Variants in PLEKHM2 observed in about 807,000 individuals in gnomAD.
PLEKHM2 encodes the protein pleckstrin homology and RUN domain containing M2.
Under a neutral mutation model 116.3 loss-of-function variants are expected in PLEKHM2, and 77 were observed. The observed-to-expected ratio is 0.66, with a 90% CI of 0.55 to 0.80. The LOEUF (loss-of-function observed/expected upper bound fraction) is 0.80, where lower values mean the gene tolerates loss of function less well. PLEKHM2 is among the 30% of genes least tolerant of loss of function. The probability of loss-of-function intolerance (pLI) is 0.00; values close to 1 mark genes in which losing one functional copy is unlikely to be tolerated. For missense variants in PLEKHM2, 1,183 were observed against 1,354.9 expected, an observed-to-expected ratio of 0.87 and a Z score of 1.99; for synonymous variants, 562 against 571.0, an observed-to-expected ratio of 0.98 and a Z score of 0.22.
chr1:15,727,029 G>GA lies in PLEKHM2; in HGVS notation c.961dup (p.Ile321AsnfsTer11). The GA allele has an allele frequency of 6.8e-7, 1 of 1,476,608 alleles. No homozygotes were observed. The highest frequency in any genetic ancestry group is 9.0e-7 in the Non-Finnish European group (1 of 1,113,402). 91.5% of individuals were successfully genotyped at this position (1,476,608 alleles called of 1,614,324 possible). On this transcript the variant is annotated frameshift_variant, in exon 9 of 20. Coordinates refer to ENST00000375799, the MANE Select transcript of PLEKHM2 (RefSeq NM_015164.4). LOFTEE classifies it high-confidence loss of function. This position sits in a 1 kb window ranked among gnomAD's most constrained non-coding sequence, Gnocchi z 7.5. ...ACTGTCCCAGGGTCACCAAGAAGAA[G>GA]AAAATTGGCAAGAAGAAAAAGAGCA... is the stretch of plus-strand genomic sequence containing the variant.
chr1:15,705,618 A>G (rs1004895452), intron 1 of PLEKHM2, among the ~76,000 whole-genome samples: 1 of 152,006 alleles, frequency 6.6e-6, no homozygotes, highest in Non-Finnish European at 1.5e-5. Context: ...CATGCCCCAC[A>G]TTTAATCCAT....
chr1:15,682,562 T>C (rs180770452), upstream of PLEKHM2, among the ~76,000 whole-genome samples: 781 of 149,550 alleles, frequency 5.2e-3, 15 homozygotes, highest in African/African-American at 0.019. Flanking sequence ...GAAGTTGCAG[T>C]GAGCAGAGAT....
At chr1:15,732,070 C>T (rs752775875) in intron 17 of PLEKHM2, 22 bp downstream of exon 17, 13 of 1,602,486 alleles carry the variant, frequency 8.1e-6, no homozygotes, top group Middle Eastern at 1.7e-4. Flanking sequence ...CTGCCCCTAC[C>T]GCTCACCTGG....
At chr1:15,709,224 A>T (rs1641280938) in intron 1 of PLEKHM2, among the ~76,000 whole-genome samples, 1 of 152,186 alleles carries the variant, frequency 6.6e-6, no homozygotes, top group African/African-American at 2.4e-5. Flanking sequence ...GCAACCAAAG[A>T]GTAATTTGGC....
At chr1:15,731,532 G>T (rs1210198576) in intron 16 of PLEKHM2, among the ~76,000 whole-genome samples, 1 of 152,152 alleles carries the variant, frequency 6.6e-6, no homozygotes, top group Non-Finnish European at 1.5e-5. Context: ...ATGGGAGATG[G>T]ACGTTCGGGT....
chr1:15,721,056 C>T lies in PLEKHM2; in HGVS notation c.653-273C>T. On this transcript the variant is annotated intron_variant, in intron 6 of 19. Coordinates refer to ENST00000375799, the MANE Select transcript of PLEKHM2 (RefSeq NM_015164.4). This position sits in a 1 kb window ranked among gnomAD's most constrained non-coding sequence, Gnocchi z 5.1. ...ACAAAGCTAGGCACAGGCAGCCAGG[C>T]TTCTCTCTGCCAGAACCAGCTTCTG... 2.4e-6 allele frequency: 1 copy of T among 413,254 alleles called. No homozygotes were observed. Among genetic ancestry groups the T allele is most frequent in the Non-Finnish European group, 4.3e-6 (1 of 232,624 alleles). 25.6% of individuals were successfully genotyped at this position (413,254 alleles called of 1,614,324 possible). A position where few individuals can be genotyped will look rare whatever the true frequency, so the allele number is the denominator to read the frequency against.
chr1:15,716,140 T>G, intron 1 of PLEKHM2, 97 bp from the exon 2 acceptor site: 2 of 739,464 alleles, frequency 2.7e-6, no homozygotes, highest in Non-Finnish European at 4.6e-6. Flanking sequence ...GGATACACCA[T>G]TTGACTAATT....
chr1:15,695,838 G>A (rs894737982), intron 1 of PLEKHM2, among the ~76,000 whole-genome samples: 2 of 151,936 alleles, frequency 1.3e-5, no homozygotes, highest in Non-Finnish European at 2.9e-5. Context: ...GTCTTGCTCT[G>A]TCACCCAGGG....
intron 7 of PLEKHM2, among the ~76,000 whole-genome samples, chr1:15,723,882 C>A (rs148270925): frequency 1.3e-5 from 2 of 152,212 alleles, no homozygotes; most frequent in Non-Finnish European, 1.5e-5. Context: ...TCTTTTCTTC[C>A]GGGCAGACAG....
At position 15,725,312 on chromosome 1, in the gene PLEKHM2, C is replaced by A. The variant is rs200559886; in HGVS notation, c.713-5C>A. On this transcript the variant is annotated splice_region_variant and splice_polypyrimidine_tract_variant and intron_variant, in intron 7 of 19. Transcript: ENST00000375799. ...AGGGTGTCTCCTGCTTCCTTGTCCT[C>A]CCAGATGGAGACCTCACAGACACGG... 140 of 1,548,008 alleles carry A rather than the reference C, an allele frequency of 9.0e-5. No individual in the cohort carries two copies. In the African/African-American group the frequency reaches 1.9e-3, roughly 21 times the overall value.
At chr1:15,689,576 G>A (rs996743810) in intron 1 of PLEKHM2, among the ~76,000 whole-genome samples, 3 of 152,232 alleles carry the variant, frequency 2.0e-5, no homozygotes, top group Non-Finnish European at 4.4e-5. Flanking sequence ...CGCATCAGCA[G>A]TGAGAACCTT....
In PLEKHM2 at chr1:15,727,122, C is replaced by G; in HGVS notation, c.1050C>G (p.Asp350Glu). 2.5e-6 allele frequency: 4 copies of G among 1,585,260 alleles called. No homozygotes were observed. Among genetic ancestry groups the G allele is most frequent in the Non-Finnish European group, 3.4e-6 (4 of 1,165,104 alleles). The change falls in exon 9 of 20, where the codon GAC becomes GAG. Residue 350 changes from aspartate (D) to glutamate (E), a missense_variant. This residue lies in a region of PLEKHM2 where 372 missense variants were observed against 357.2 expected (regional missense o/e 1.04). Coordinates refer to ENST00000375799, the MANE Select transcript of PLEKHM2 (RefSeq NM_015164.4). The surrounding 1 kb of genome is among the most constrained non-coding windows in gnomAD (Gnocchi z 7.5). ...CSQKKCAKQG[D>E]GDSRNGSPSL... ...AGAAGAAATGTGCCAAGCAGGGGGA[C>G]GGTGACAGCCGCAACGGCAGCCCAA...
chr1:15,720,003 C>CT, intron 6 of PLEKHM2, 83 bp downstream of exon 6: 2 of 1,203,682 alleles, frequency 1.7e-6, no homozygotes, highest in Non-Finnish European at 2.3e-6. Context: ...TGATGTCTTC[C>CT]TTGGCTAGTT....
chr1:15,685,546 A>G (rs936507210), intron 1 of PLEKHM2, among the ~76,000 whole-genome samples: 2 of 149,328 alleles, frequency 1.3e-5, no homozygotes, highest in African/African-American at 2.5e-5. Context: ...AAACTGAAAA[A>G]AAAAAAAAAA....
Position 15,727,445 on chromosome 1 carries a change from T to C in PLEKHM2, c.1373T>C (p.Leu458Pro). 6.2e-7 allele frequency: 1 copy of C among 1,605,844 alleles called. No individual in the cohort carries two copies. The highest frequency in any genetic ancestry group is 8.5e-7 in the Non-Finnish European group (1 of 1,176,882). ...RPPLCDFSEGLSAPMDFYRFT... is the reference protein window; with the variant it reads ...RPPLCDFSEGPSAPMDFYRFT... Reference sequence around the variant, plus strand: ...CCGCTTTGCGACTTTAGTGAGGGGCTTTCAGCCCCAATGGACTTCTACCGC... The same window carrying C: ...CCGCTTTGCGACTTTAGTGAGGGGCCTTCAGCCCCAATGGACTTCTACCGC... The change falls in exon 9 of 20, where the codon CTT becomes CCT. Residue 458 changes from leucine to proline, a missense_variant. Leu to Pro is a moderately conservative substitution (Grantham distance 98, BLOSUM62 -3). This residue lies in a region of PLEKHM2 where 372 missense variants were observed against 357.2 expected (regional missense o/e 1.04). Transcript: ENST00000375799. The surrounding 1 kb of genome is among the most constrained non-coding windows in gnomAD (Gnocchi z 7.5).
chr1:15,685,647 A>G (rs1281530142), intron 1 of PLEKHM2, among the ~76,000 whole-genome samples: 4 of 152,142 alleles, frequency 2.6e-5, no homozygotes. Flanking sequence ...AATGGATAGA[A>G]TTAATTAGAT....
intron 1 of PLEKHM2, among the ~76,000 whole-genome samples, chr1:15,692,479 C>A (rs1441774410): frequency 6.6e-6 from 1 of 152,194 alleles, no homozygotes; most frequent in Non-Finnish European, 1.5e-5. Context: ...AGGTCCCTAA[C>A]CCGGAAACCA....
At chr1:15,716,631 A>G in intron 2 of PLEKHM2, 76 bp from the exon 3 acceptor site, 7 of 1,471,584 alleles carry the variant, frequency 4.8e-6, no homozygotes, top group Non-Finnish European at 6.5e-6. Flanking sequence ...CCTTGCGCTC[A>G]CTGCTGGACC....
intron 1 of PLEKHM2, among the ~76,000 whole-genome samples, chr1:15,714,067 G>A (rs1455426837): frequency 6.6e-6 from 1 of 151,448 alleles, no homozygotes. Context: ...TCAGCCTCCT[G>A]AGTAGCTGGG....
Sources: allele counts gnomAD v4.1 joint callset (sites outside exome capture counted in the v4.1 genomes callset), GRCh38; gene constraint gnomAD v4.1.1; regional missense constraint gnomAD v4.1.1; non-coding constraint Gnocchi (gnomAD v3.1); transcripts MANE v1.5; gene names NCBI Gene and HGNC (gene_info 2026-07-23, HGNC 2026-07-21).